The following UBE2V1 variants were observed in gnomAD, a reference collection of about 807,000 sequenced individuals.
UBE2V1 encodes the protein ubiquitin conjugating enzyme E2 V1, also known as ubiquitin-conjugating enzyme E2 variant 1.
Under a neutral mutation model 19.6 loss-of-function variants are expected in UBE2V1, and 15 were observed. The ratio of observed to expected loss-of-function variants is 0.77; its 90% CI spans 0.51 to 1.18. The LOEUF is 1.18. Ranked by LOEUF, UBE2V1 falls within the 50% of genes most tolerant of loss-of-function variation. The pLI is 0.00. For missense variants in UBE2V1, 125 were observed against 184.8 expected, an observed-to-expected ratio of 0.68 and a Z score of 1.88; for synonymous variants, 60 against 60.7, an observed-to-expected ratio of 0.99 and a Z score of 0.05.
intron 1 of UBE2V1, among the ~76,000 whole-genome samples, chr20:50,100,105 A>G (rs1319852842): frequency 6.6e-6 from 1 of 151,920 alleles, no homozygotes; most frequent in Non-Finnish European, 1.5e-5. Flanking sequence ...CTCAAAAACC[A>G]AAAATAAACA....
intron 2 of UBE2V1, among the ~76,000 whole-genome samples, chr20:50,094,188 TATAA>T (rs1282506150): frequency 3.9e-5 from 4 of 103,084 alleles, no homozygotes; most frequent in African/African-American, 5.1e-5. Flanking sequence ...ATATATGTTA[TATAA>T]ATATACAGTA....
At chr20:50,104,250 C>T in intron 1 of UBE2V1, 5 of 958,420 alleles carry the variant, frequency 5.2e-6, no homozygotes, top group Non-Finnish European at 6.2e-6. Flanking sequence ...CCACGGCACT[C>T]CAGCCTGGCA....
At chr20:50,084,046 G>C in intron 3 of UBE2V1, 83 bp downstream of exon 3, 1 of 1,510,484 alleles carries the variant, frequency 6.6e-7, no homozygotes, top group African/African-American at 1.4e-5. Context: ...CCTAGGAATT[G>C]GGCCCAGTCT....
intron 2 of UBE2V1, among the ~76,000 whole-genome samples, chr20:50,087,393 C>CAA (rs10716682): frequency 0.02 from 2,018 of 101,310 alleles, 26 homozygotes; most frequent in African/African-American, 0.048. Context: ...GACACTTTGT[C>CAA]AAAAAAAAAA....
chr20:50,112,257 G>C (rs890682758), intron 1 of UBE2V1, among the ~76,000 whole-genome samples: 1 of 152,118 alleles, frequency 6.6e-6, no homozygotes, highest in Admixed American at 6.6e-5. Context: ...CACTCCCAAA[G>C]AGACATCCTC....
intron 2 of UBE2V1, among the ~76,000 whole-genome samples, chr20:50,093,610 AAC>A (rs948969955): frequency 7.2e-5 from 11 of 152,304 alleles, no homozygotes; most frequent in African/African-American, 2.4e-4. Flanking sequence ...CACTTTGGGA[AAC>A]AGTTTGGCAT....
At chr20:50,106,141 A>C (rs951105182) in intron 1 of UBE2V1, among the ~76,000 whole-genome samples, 1 of 152,166 alleles carries the variant, frequency 6.6e-6, no homozygotes, top group Non-Finnish European at 1.5e-5. Flanking sequence ...GTGCTAAAAT[A>C]TCACAGTAAT....
intron 1 of UBE2V1, chr20:50,111,426 C>T (rs2080746034): frequency 3.0e-6 from 3 of 1,000,342 alleles, no homozygotes; most frequent in Middle Eastern, 5.2e-4. Context: ...CACTGGGCCC[C>T]TTCGTTTATT....
At chr20:50,114,079 G>C (rs1347721866), upstream of UBE2V1, among the ~76,000 whole-genome samples, 5 of 152,186 alleles carry the variant, frequency 3.3e-5, no homozygotes, top group Non-Finnish European at 5.9e-5. Flanking sequence ...GGAACAGCTT[G>C]TGCAAAGGCC....
In UBE2V1 at chr20:50,111,343, T is replaced by C. The variant is rs550900261; in HGVS notation, c.22+1764A>G. 1.2e-5 allele frequency: 12 copies of C among 997,366 alleles called. No individual in the cohort carries two copies. The East Asian group carries it at 1.0e-3, about 85-fold the overall frequency. The allele number at this position is 997,366 out of a possible 1,614,324, so 61.8% of individuals were successfully genotyped here. On this transcript the variant is annotated intron_variant, in intron 1 of 3. Transcript: ENST00000371674. ...GAACCGGGCAGCTGTTAACCCAGAT[T>C]GTAGGTAGCCAACCGAGTGACTGCA...
upstream of UBE2V1, chr20:50,113,199 G>A (rs1038408854): frequency 3.3e-6 from 4 of 1,199,966 alleles, no homozygotes; most frequent in Non-Finnish European, 4.2e-6. Context: ...GCCCTGATGC[G>A]CAGGCGCGCG....
At chr20:50,113,028 G>T in intron 1 of UBE2V1, 79 bp downstream of exon 1, 2 of 598,950 alleles carry the variant, frequency 3.3e-6, no homozygotes, top group Non-Finnish European at 5.0e-6. Context: ...TGGCTCCGCT[G>T]CAGGAGGCTT....
chr20:50,084,809 G>T, intron 2 of UBE2V1: 1 of 260,554 alleles, frequency 3.8e-6, no homozygotes. Flanking sequence ...ATCCCTCCCT[G>T]CAGTCTTTTT....
At chr20:50,103,038 T>C (rs972184650) in intron 1 of UBE2V1, among the ~76,000 whole-genome samples, 21 of 152,236 alleles carry the variant, frequency 1.4e-4, no homozygotes, top group African/African-American at 5.1e-4. Context: ...TTTTTCTTCA[T>C]AGTACTCATT....
At chr20:50,111,163 G>C (rs757675769) in intron 1 of UBE2V1, 4 of 786,980 alleles carry the variant, frequency 5.1e-6, no homozygotes, top group Non-Finnish European at 6.2e-6. Flanking sequence ...AGAATTTTGG[G>C]AAGTCCATTT....
intron 2 of UBE2V1, among the ~76,000 whole-genome samples, chr20:50,086,452 C>T (rs1484567133): frequency 6.6e-6 from 1 of 151,766 alleles, no homozygotes; most frequent in African/African-American, 2.4e-5. Context: ...TAAGGTGTTT[C>T]CTCAAAGAAA....
At chr20:50,106,165 A>G (rs1458792816) in intron 1 of UBE2V1, among the ~76,000 whole-genome samples, 1 of 152,026 alleles carries the variant, frequency 6.6e-6, no homozygotes, top group Non-Finnish European at 1.5e-5. Context: ...AGACTTTTTG[A>G]AGAAAATATT....
At chr20:50,113,046 C>A in intron 1 of UBE2V1, 61 bp downstream of exon 1, 1 of 733,408 alleles carries the variant, frequency 1.4e-6, no homozygotes, top group South Asian at 3.5e-5. Flanking sequence ...CTTTGAGGGT[C>A]CCCGGCCCCC....
At position 50,096,827 on chromosome 20, in the gene UBE2V1, TA is replaced by T; in HGVS notation, c.23-8del. 1 of 1,613,604 alleles carries T rather than the reference TA, an allele frequency of 6.2e-7. No individual in the cohort carries two copies. The highest frequency in any genetic ancestry group is 8.5e-7 in the Non-Finnish European group (1 of 1,179,750). Reference sequence around the variant, plus strand: ...TTGCGAGGGACTTTTACTCCTAAAATAAATGGAAAGAAATTCAAGATACCAG... The same window carrying T: ...TTGCGAGGGACTTTTACTCCTAAAATAATGGAAAGAAATTCAAGATACCAG... On this transcript the variant is annotated splice_region_variant and splice_polypyrimidine_tract_variant and intron_variant, in intron 1 of 3. Coordinates refer to ENST00000371674, the MANE Select transcript of UBE2V1 (RefSeq NM_001032288.3).
Sources: allele counts gnomAD v4.1 joint callset (sites outside exome capture counted in the v4.1 genomes callset), GRCh38; gene constraint gnomAD v4.1.1; transcripts MANE v1.5; gene names NCBI Gene and HGNC (gene_info 2026-07-23, HGNC 2026-07-21).